Variants in ARHGEF37 observed in about 807,000 individuals in gnomAD.
ARHGEF37 encodes the protein Rho guanine nucleotide exchange factor 37, also known as Rho guanine nucleotide exchange factor (GEF) 37.
A neutral mutation model predicts 71.1 loss-of-function variants in ARHGEF37; 55 were observed. That is an observed-to-expected ratio of 0.77 (90% CI 0.62 to 0.97). The LOEUF (loss-of-function observed/expected upper bound fraction) is 0.97, where lower values mean the gene tolerates loss of function less well. ARHGEF37 is among the 50% of genes least tolerant of loss of function. The pLI, the probability that ARHGEF37 is intolerant of heterozygous loss-of-function variation, is 0.00. For synonymous variants in ARHGEF37, 327 were observed against 350.6 expected, an observed-to-expected ratio of 0.93 and a Z score of 0.75; for missense variants, 765 against 836.8, an observed-to-expected ratio of 0.91 and a Z score of 1.06.
At position 149,633,579 on chromosome 5, in the gene ARHGEF37, C is replaced by T. The variant is rs931694517; in HGVS notation, c.*1388C>T. On this transcript the variant is annotated 3_prime_UTR_variant, in exon 13 of 13. Transcript: ENST00000333677. Reference sequence around the variant, plus strand: ...GGGTGGTCATGTCTAGGCTGTTGCTCTGGGCAAAGATAAGTTGCAAGATTC... The same window carrying T: ...GGGTGGTCATGTCTAGGCTGTTGCTTTGGGCAAAGATAAGTTGCAAGATTC... 1.3e-5 allele frequency: 2 copies of T among 152,222 alleles called. No individual in the cohort carries two copies. Among genetic ancestry groups the T allele is most frequent in the African/African-American group, 4.8e-5 (2 of 41,452 alleles). 9.4% of individuals were successfully genotyped at this position (152,222 alleles called of 1,614,324 possible). A position where few individuals can be genotyped will look rare whatever the true frequency, so the allele number is the denominator to read the frequency against.
At chr5:149,620,072 CAA>C (rs10716197) in intron 7 of ARHGEF37, among the ~76,000 whole-genome samples, 66 of 99,824 alleles carry the variant, frequency 6.6e-4, no homozygotes, top group Admixed American at 1.2e-3. Flanking sequence ...GACTCTGTCT[CAA>C]AAAAAAAAAA....
intron 3 of ARHGEF37, chr5:149,606,722 A>G (rs910073707): frequency 6.6e-6 from 1 of 152,210 alleles, no homozygotes; most frequent in Non-Finnish European, 1.5e-5. Flanking sequence ...TTTAGCGTAT[A>G]TGATGCTAAA....
rs750504498 is a variant in ARHGEF37, at chr5:149,620,344, C to A, written c.895-10C>A. 2 of 1,595,010 alleles carry A rather than the reference C, an allele frequency of 1.3e-6. No homozygotes were observed. Among genetic ancestry groups the A allele is most frequent in the South Asian group, 1.1e-5 (1 of 88,814 alleles). The stretch of plus-strand genomic sequence containing the variant: ...CATGATTGGATGTTTCTCCTTGGTA[C>A]TGGGTCCAGGCTTTCCTCTACTTCA... On this transcript the variant is annotated splice_polypyrimidine_tract_variant and intron_variant, in intron 7 of 12. Coordinates refer to ENST00000333677, the MANE Select transcript of ARHGEF37 (RefSeq NM_001001669.3).
At chr5:149,624,899 G>GTT (rs1561809517) in intron 10 of ARHGEF37, among the ~76,000 whole-genome samples, 12 of 77,604 alleles carry the variant, frequency 1.5e-4, no homozygotes, top group Non-Finnish European at 2.8e-4. Flanking sequence ...AATGCTTTTG[G>GTT]GTTTTTTTTT....
At chr5:149,581,312 T>G (rs2113261272), upstream of ARHGEF37, among the ~76,000 whole-genome samples, 1 of 152,220 alleles carries the variant, frequency 6.6e-6, no homozygotes, top group East Asian at 1.9e-4. Context: ...CCGCCTGCAA[T>G]CCTTCGGGTT....
intron 1 of ARHGEF37, among the ~76,000 whole-genome samples, chr5:149,590,969 A>C (rs934647747): frequency 2.0e-5 from 3 of 152,236 alleles, no homozygotes; most frequent in Non-Finnish European, 4.4e-5. Flanking sequence ...GTATTATACC[A>C]ATGCCCATTT....
chr5:149,617,199 G>A (rs561636668), intron 5 of ARHGEF37, among the ~76,000 whole-genome samples: 1 of 152,310 alleles, frequency 6.6e-6, no homozygotes, highest in African/African-American at 2.4e-5. Flanking sequence ...TCTGGGTTAT[G>A]TGCCCTTCTT....
At position 149,604,348 on chromosome 5, in the gene ARHGEF37, G is replaced by T. The variant is rs1447633194; in HGVS notation, c.310+3117G>T. 3.9e-5 allele frequency among the ~76,000 whole-genome samples: 6 copies of T among 151,978 alleles called. No homozygotes were observed. In the East Asian group the frequency reaches 1.2e-3, roughly 29 times the overall value. On this transcript the variant is annotated intron_variant, in intron 3 of 12. Coordinates refer to ENST00000333677, the MANE Select transcript of ARHGEF37 (RefSeq NM_001001669.3). ...TTAGTATAAGTATATCCCAAATGTT[G>T]CATGGGACTTACTTACGCTAAAAAA...
intron 1 of ARHGEF37, among the ~76,000 whole-genome samples, chr5:149,585,428 A>AT (rs2113272201): frequency 6.6e-6 from 1 of 152,386 alleles, no homozygotes; most frequent in East Asian, 1.9e-4. Context: ...GTAACGATGT[A>AT]TTGATACATG....
At chr5:149,568,811 CAAAAA>C (rs748620450) in intron 1 of ARHGEF37, among the ~76,000 whole-genome samples, 1 of 57,350 alleles carries the variant, frequency 1.7e-5, no homozygotes, top group Non-Finnish European at 4.0e-5. Context: ...GACTCCATCT[CAAAAA>C]AAAAAAAAAA....
chr5:149,552,218 C>CAAAAAAA (rs58298279), intron 1 of ARHGEF37: 4 of 72,744 alleles, frequency 5.5e-5, no homozygotes, highest in East Asian at 4.7e-4. Context: ...TCAACCCCAC[C>CAAAAAAA]AAAAAAAAAA....
intron 1 of ARHGEF37, among the ~76,000 whole-genome samples, chr5:149,570,398 AC>A (rs1762948251): frequency 6.6e-6 from 1 of 151,036 alleles, no homozygotes; most frequent in South Asian, 2.1e-4. Flanking sequence ...ACATGGTGAA[AC>A]CCCATCTCTA....
chr5:149,562,985 G>A (rs1327554735), intron 1 of ARHGEF37, among the ~76,000 whole-genome samples: 1 of 152,036 alleles, frequency 6.6e-6, no homozygotes. Context: ...CAATTCTGCC[G>A]CTTGGTGTTC....
chr5:149,601,082 T>C (rs766526314), intron 2 of ARHGEF37, 26 bp from the exon 3 acceptor site: 15 of 1,601,290 alleles, frequency 9.4e-6, no homozygotes, highest in Admixed American at 1.7e-5. Flanking sequence ...CCCAACCACC[T>C]CTCATGGCTT....
chr5:149,590,934 C>G (rs6859243), intron 1 of ARHGEF37, among the ~76,000 whole-genome samples: 79,510 of 152,062 alleles, frequency 0.52, 21,601 homozygotes, highest in East Asian at 0.68. Flanking sequence ...TAATAAAATA[C>G]AATAGAACAA....
chr5:149,615,914 AC>A (rs113403067), intron 4 of ARHGEF37, among the ~76,000 whole-genome samples: 3,414 of 152,256 alleles, frequency 0.022, 132 homozygotes, highest in African/African-American at 0.078. Context: ...AAACAAAAAA[AC>A]ACGAACATTT....
chr5:149,570,613 C>G (rs937284974), intron 1 of ARHGEF37, among the ~76,000 whole-genome samples: 3 of 150,878 alleles, frequency 2.0e-5, no homozygotes, highest in Non-Finnish European at 4.4e-5. Context: ...CGCGGTGGCT[C>G]ACACCTGTAA....
chr5:149,575,847 C>A (rs1183997292), intron 1 of ARHGEF37, among the ~76,000 whole-genome samples: 1 of 151,904 alleles, frequency 6.6e-6, no homozygotes, highest in Non-Finnish European at 1.5e-5. Context: ...GAGTTTGAGA[C>A]TAGCCTGGGC....
Position 149,627,193 on chromosome 5 carries a change from C to A in ARHGEF37, c.1582C>A (p.Pro528Thr). The A allele has an allele frequency of 6.2e-7, 1 of 1,614,108 alleles. No individual in the cohort carries two copies. Among genetic ancestry groups the A allele is most frequent in the Non-Finnish European group, 8.5e-7 (1 of 1,180,034 alleles). Residue 528 changes from proline (P) to threonine (T), a missense_variant, in exon 11 of 13, where the codon CCT becomes ACT. Coordinates refer to ENST00000333677, the MANE Select transcript of ARHGEF37 (RefSeq NM_001001669.3). ...SGTGTLDLTL[P>T]RGQIVAILQN... ...GACTGGGACTCTGGACCTGACTCTG[C>A]CTCGGGGCCAAATCGTGGCCATCCT...
Sources: gnomAD v4.1 joint callset for allele counts (sites outside exome capture counted in the v4.1 genomes callset) on GRCh38, gnomAD v4.1.1 for gene constraint, MANE v1.5 for transcripts, NCBI Gene and HGNC (gene_info 2026-07-23, HGNC 2026-07-21) for gene names.